The following TGM6 variants were observed in gnomAD, a reference collection of about 807,000 sequenced individuals.
The protein encoded by TGM6 is transglutaminase 6.
Under a neutral mutation model 77.5 loss-of-function variants are expected in TGM6, and 74 were observed. That is an observed-to-expected ratio of 0.96 (90% CI 0.79 to 1.16). The LOEUF (loss-of-function observed/expected upper bound fraction) is 1.16. Among genes scored for constraint, TGM6 ranks in the 50% most tolerant of loss-of-function variants. TGM6 has a pLI of 0.00. For missense variants in TGM6, 968 were observed against 940.2 expected (o/e 1.03, Z -0.39); for synonymous variants, 383 against 378.9 (o/e 1.01, Z -0.12).
At position 2,410,325 on chromosome 20, in the gene TGM6, TTGA is replaced by T. The variant is rs1568664075; in HGVS notation, c.1336+6503_1336+6505del. Among the ~76,000 whole-genome samples, 8 of 152,204 alleles carry T rather than the reference TTGA, an allele frequency of 5.3e-5. 1 individual carries two copies. The highest frequency in any genetic ancestry group is 4.2e-4 in the South Asian group (2 of 4,818). ...GAGAGGTTCCAGGTTGGGGAAGACA[TTGA>T]GGTGCTGAGAGGGTGGCATGCTTAG... is the stretch of plus-strand genomic sequence containing the variant. On this transcript the variant is annotated intron_variant, in intron 9 of 12. Coordinates refer to ENST00000202625, the MANE Select transcript of TGM6 (RefSeq NM_198994.3).
chr20:2,395,585 C>A (rs1365252515), intron 3 of TGM6, 149 bp downstream of exon 3: 2 of 1,456,538 alleles, frequency 1.4e-6, no homozygotes, highest in Non-Finnish European at 1.9e-6. Flanking sequence ...CAGAGGTAGG[C>A]AATGGTCAGA....
At chr20:2,391,437 C>T (rs915595989) in intron 1 of TGM6, among the ~76,000 whole-genome samples, 1 of 149,340 alleles carries the variant, frequency 6.7e-6, no homozygotes, top group African/African-American at 2.5e-5. Flanking sequence ...TGTGCGACGT[C>T]GGGGCAGGAG....
intron 1 of TGM6, among the ~76,000 whole-genome samples, chr20:2,391,361 A>G (rs192631077): frequency 1.3e-5 from 2 of 152,324 alleles, no homozygotes; most frequent in East Asian, 3.9e-4. Flanking sequence ...GGAACATCTC[A>G]GAAGACAATC....
chr20:2,395,074 C>T (rs2053433225), intron 2 of TGM6, 120 bp from the exon 3 acceptor site: 3 of 1,507,104 alleles, frequency 2.0e-6, no homozygotes, highest in Non-Finnish European at 2.7e-6. Flanking sequence ...GTCCTTCTCC[C>T]AAAGCCTCCC....
chr20:2,403,235 AT>A (rs889948487), intron 7 of TGM6, among the ~76,000 whole-genome samples, 161 bp from the exon 8 acceptor site: 1 of 152,196 alleles, frequency 6.6e-6, no homozygotes, highest in Non-Finnish European at 1.5e-5. Context: ...ATACAAACAT[AT>A]GTGAATGCTG....
At chr20:2,391,110 T>C (rs1188400502) in intron 1 of TGM6, among the ~76,000 whole-genome samples, 1 of 151,428 alleles carries the variant, frequency 6.6e-6, no homozygotes, top group Non-Finnish European at 1.5e-5. Context: ...CTGGCTTCCA[T>C]GTTGAGAATG....
rs2084584246 is a variant in TGM6, at chr20:2,384,932, G to A, written c.7+3957G>A. Among the ~76,000 whole-genome samples, 4 of 147,384 alleles carry A rather than the reference G, an allele frequency of 2.7e-5. No individual in the cohort carries two copies. In the Admixed American group the frequency reaches 2.8e-4, roughly 10 times the overall value. ...AGCTCATCCTGCATACCCCAAGGGT[G>A]AAGGCCCCCAGAGCTGAAAACAGGC... On this transcript the variant is annotated intron_variant, in intron 1 of 12. Coordinates refer to ENST00000202625, the MANE Select transcript of TGM6 (RefSeq NM_198994.3).
At chr20:2,427,743 G>A (rs563695544) in intron 10 of TGM6, among the ~76,000 whole-genome samples, 1 of 151,812 alleles carries the variant, frequency 6.6e-6, no homozygotes, top group Non-Finnish European at 1.5e-5. Context: ...TTGGGGGAGG[G>A]GTGTTTGTTT....
Position 2,432,481 on chromosome 20 carries a change from T to C in TGM6, c.1968-9T>C. On this transcript the variant is annotated splice_polypyrimidine_tract_variant and intron_variant, in intron 12 of 12. Coordinates refer to ENST00000202625, the MANE Select transcript of TGM6 (RefSeq NM_198994.3). ...GACAGTCTGCCTTTCTCCCCTCCCC[T>C]TCCTCCAGCGTGCCTACCCTGGAGC... 1 of 1,613,844 alleles carries C rather than the reference T, an allele frequency of 6.2e-7. No individual in the cohort carries two copies.
At chr20:2,400,494 T>TGGAG (rs2084700383) in intron 7 of TGM6, 50 bp downstream of exon 7, 7 of 1,612,534 alleles carry the variant, frequency 4.3e-6, no homozygotes, top group Non-Finnish European at 5.9e-6. Flanking sequence ...GCCCAGCAGG[T>TGGAG]GGAGCAAGGC....
rs1218477556 is a variant in TGM6, at chr20:2,408,738, A to C, written c.1336+4915A>C. Among the ~76,000 whole-genome samples the C allele has an allele frequency of 2.0e-5, 3 of 152,240 alleles. No homozygotes were observed. In the East Asian group the frequency reaches 5.8e-4, roughly 29 times the overall value. The stretch of plus-strand genomic sequence containing the variant: ...AAGCCACATTTTCACATTTTTTTCT[A>C]TTGGCATGTGTTTATTGAGCATTTA... On this transcript the variant is annotated intron_variant, in intron 9 of 12. Coordinates refer to ENST00000202625, the MANE Select transcript of TGM6 (RefSeq NM_198994.3).
intron 10 of TGM6, among the ~76,000 whole-genome samples, chr20:2,422,627 G>A (rs1167644270): frequency 6.6e-6 from 1 of 151,822 alleles, no homozygotes; most frequent in Non-Finnish European, 1.5e-5. Flanking sequence ...ATACTTTACG[G>A]CTATAAAATG....
intron 2 of TGM6, 103 bp from the exon 3 acceptor site, chr20:2,395,091 T>C (rs1275570631): frequency 3.2e-6 from 5 of 1,539,918 alleles, no homozygotes; most frequent in Non-Finnish European, 3.5e-6. Flanking sequence ...TCCCAGAAGT[T>C]CAGGGGGTGA....
chr20:2,390,304 T>C (rs1470790202), intron 1 of TGM6, among the ~76,000 whole-genome samples: 1 of 152,244 alleles, frequency 6.6e-6, no homozygotes, highest in Non-Finnish European at 1.5e-5. Flanking sequence ...TTTCAGTTTA[T>C]ATCTGTGCAT....
chr20:2,421,099 G>T (rs1279197747), intron 10 of TGM6, among the ~76,000 whole-genome samples: 1 of 152,020 alleles, frequency 6.6e-6, no homozygotes. Flanking sequence ...TGATTCTCCT[G>T]CCTCAGCCTC....
intron 1 of TGM6, among the ~76,000 whole-genome samples, chr20:2,383,673 T>C (rs1568650530): frequency 6.6e-6 from 1 of 152,034 alleles, no homozygotes; most frequent in African/African-American, 2.4e-5. Flanking sequence ...TGAAAAACAC[T>C]CTGAAGCTGT....
intron 3 of TGM6, 130 bp from the exon 4 acceptor site, chr20:2,396,376 C>A (rs1430982071): frequency 4.6e-6 from 4 of 869,686 alleles, no homozygotes; most frequent in Non-Finnish European, 7.8e-6. Context: ...GCTCGCAAGC[C>A]CCCTCTTGAC....
At position 2,398,063 on chromosome 20, in the gene TGM6, T is replaced by C. The variant is rs1167278945; in HGVS notation, c.672+17T>C. On this transcript the variant is annotated intron_variant, in intron 5 of 12. Coordinates refer to ENST00000202625, the MANE Select transcript of TGM6 (RefSeq NM_198994.3). ...AGTGCCATGGTGAGAAGCCCCTCCA[T>C]CCCTGCACATGTACTTCCTCAAGGA... 4 of 1,614,008 alleles carry C rather than the reference T, an allele frequency of 2.5e-6. No individual in the cohort carries two copies. The highest frequency in any genetic ancestry group is 4.5e-5 in the East Asian group (2 of 44,872).
chr20:2,421,470 T>C (rs1167809740), intron 10 of TGM6, among the ~76,000 whole-genome samples: 1 of 152,240 alleles, frequency 6.6e-6, no homozygotes, highest in Non-Finnish European at 1.5e-5. Context: ...TTGTGTGTTT[T>C]GGATTACTGA....
Sources: gnomAD v4.1 joint callset for allele counts (sites outside exome capture counted in the v4.1 genomes callset) on GRCh38, gnomAD v4.1.1 for gene constraint, MANE v1.5 for transcripts, NCBI Gene and HGNC (gene_info 2026-07-23, HGNC 2026-07-21) for gene names.